Variants in CAST observed in about 807,000 individuals in gnomAD.
CAST encodes calpastatin.
Under a neutral mutation model 119.6 loss-of-function variants are expected in CAST, and 76 were observed. That is an observed-to-expected ratio of 0.64 (90% CI 0.53 to 0.77). The LOEUF (loss-of-function observed/expected upper bound fraction) is 0.77. Ranked by LOEUF, CAST falls within the 30% of genes least tolerant of loss-of-function variation. The pLI is 0.00. For synonymous variants in CAST, 319 were observed against 331.6 expected (o/e 0.96, Z 0.41); for missense variants, 953 against 946.5 (o/e 1.01, Z -0.09).
the CAST span, among the ~76,000 whole-genome samples, chr5:96,130,679 A>ATT: frequency 6.6e-6 from 1 of 152,088 alleles, no homozygotes; most frequent in African/African-American, 2.4e-5. Flanking sequence ...AATATAAAAT[A>ATT]TTACAAATCG....
the CAST span, among the ~76,000 whole-genome samples, chr5:96,088,336 A>G: frequency 2.0e-5 from 3 of 152,158 alleles, 1 homozygote; most frequent in South Asian, 6.2e-4. Context: ...CTCTTTCTCT[A>G]TGTCCTCTCC....
the CAST span, among the ~76,000 whole-genome samples, chr5:96,327,850 T>C: frequency 1.5e-4 from 23 of 152,332 alleles, no homozygotes; most frequent in South Asian, 4.8e-3. Flanking sequence ...TAACACTCAC[T>C]CTGTTGATCT....
chr5:96,343,128 A>G, the CAST span, among the ~76,000 whole-genome samples: 4 of 152,220 alleles, frequency 2.6e-5, no homozygotes, highest in African/African-American at 4.8e-5. Context: ...ACTCATACAT[A>G]GTTTGCAATT....
At chr5:96,429,284 G>A in the CAST span, 3 of 1,593,032 alleles carry the variant, frequency 1.9e-6, no homozygotes, top group African/African-American at 2.7e-5. Context: ...TGGTTTTTAT[G>A]TTTGAATAAG....
chr5:96,490,161 G>A, the CAST span, among the ~76,000 whole-genome samples: 20 of 152,182 alleles, frequency 1.3e-4, no homozygotes, highest in Non-Finnish European at 2.6e-4. Context: ...TTGGAACAAA[G>A]TTCAAAATAC....
chr5:96,621,577 A>G (rs979655850), intron 1 of CAST, among the ~76,000 whole-genome samples: 1 of 152,196 alleles, frequency 6.6e-6, no homozygotes, highest in Non-Finnish European at 1.5e-5. Context: ...ATCAGATTTT[A>G]TGAGAACTCA....
chr5:96,390,104 G>T, the CAST span, among the ~76,000 whole-genome samples: 3 of 152,162 alleles, frequency 2.0e-5, no homozygotes, highest in Non-Finnish European at 4.4e-5. Context: ...TAGATAGTTT[G>T]TTCATTTCTC....
the CAST span, among the ~76,000 whole-genome samples, chr5:96,198,356 C>CT: frequency 6.6e-6 from 1 of 152,096 alleles, no homozygotes; most frequent in East Asian, 1.9e-4. Flanking sequence ...TTGCCCCTCC[C>CT]TTTGTCAGTG....
At chr5:96,229,056 C>A in the CAST span, among the ~76,000 whole-genome samples, 1 of 151,780 alleles carries the variant, frequency 6.6e-6, no homozygotes, top group East Asian at 1.9e-4. Flanking sequence ...TGAAAAGATT[C>A]AAAAATCCAT....
the CAST span, among the ~76,000 whole-genome samples, chr5:96,172,603 G>A: frequency 1.5e-4 from 23 of 152,212 alleles, no homozygotes; most frequent in Non-Finnish European, 2.8e-4. Context: ...AAGGTTCCAG[G>A]AAGTGGCCTT....
At chr5:95,983,654 T>A in the CAST span, among the ~76,000 whole-genome samples, 49 of 152,344 alleles carry the variant, frequency 3.2e-4, no homozygotes, top group Middle Eastern at 3.4e-3. Context: ...AATCACATGT[T>A]ACTTTAAAAA....
chr5:96,682,904 C>A (rs1399153537), intron 2 of CAST, among the ~76,000 whole-genome samples: 1 of 152,114 alleles, frequency 6.6e-6, no homozygotes, highest in African/African-American at 2.4e-5. Flanking sequence ...CCCAAGAAGG[C>A]CACTTTGTAC....
upstream of CAST, among the ~76,000 whole-genome samples, chr5:96,521,783 A>G (rs1745522483): frequency 6.6e-6 from 1 of 152,194 alleles, no homozygotes; most frequent in Admixed American, 6.5e-5. Flanking sequence ...GATGTAATGA[A>G]CTTATGAATG....
At chr5:96,450,389 G>A in the CAST span, among the ~76,000 whole-genome samples, 1 of 152,040 alleles carries the variant, frequency 6.6e-6, no homozygotes, top group Non-Finnish European at 1.5e-5. Flanking sequence ...CTAAACAATG[G>A]GTACACACAG....
chr5:96,553,104 C>T lies in CAST; in HGVS notation c.60+23224C>T, dbSNP rs553447701. ...ATACCAAAGCTTGGCAGAGACACAA[C>T]AAAAAAAAGAGAATTTTAGGCCAAT... On this transcript the variant is annotated intron_variant, in intron 1 of 11. Transcript: ENST00000505143. Among the ~76,000 whole-genome samples, 10 of 151,538 alleles carry T rather than the reference C, an allele frequency of 6.6e-5. No individual in the cohort carries two copies. The East Asian group carries it at 1.9e-3, about 29-fold the overall frequency.
chr5:96,099,998 AT>A, the CAST span, among the ~76,000 whole-genome samples: 1 of 152,150 alleles, frequency 6.6e-6, no homozygotes, highest in African/African-American at 2.4e-5. Context: ...GACTGCCTTA[AT>A]TTCAGAATTC....
In CAST at chr5:96,741,243, C is replaced by T. The variant is rs773001647; in HGVS notation, c.919-23C>T. On this transcript the variant is annotated intron_variant, in intron 13 of 31. Coordinates refer to ENST00000675179, the MANE Select transcript of CAST (RefSeq NM_001750.7). ...ACTTGAGTGCTTCCCGTAAGTTACC[C>T]ATCACTGTGCCTGTTTCTTTAGAAA... 4 of 1,366,950 alleles carry T rather than the reference C, an allele frequency of 2.9e-6. No homozygotes were observed. The South Asian group carries it at 4.8e-5, about 16-fold the overall frequency. 84.7% of individuals were successfully genotyped at this position (1,366,950 alleles called of 1,614,324 possible). A position where few individuals can be genotyped will look rare whatever the true frequency, so the allele number is the denominator to read the frequency against.
chr5:96,187,279 AT>A, the CAST span, among the ~76,000 whole-genome samples: 2,761 of 151,028 alleles, frequency 0.018, 83 homozygotes, highest in African/African-American at 0.064. Context: ...TATTCTATTA[AT>A]TTTTTTAAAA....
the CAST span, among the ~76,000 whole-genome samples, chr5:96,199,404 A>T: frequency 2.6e-5 from 4 of 152,174 alleles, no homozygotes; most frequent in African/African-American, 9.7e-5. Flanking sequence ...CTTCAGAAAG[A>T]TTCAAATATT....
Sources: allele counts gnomAD v4.1 joint callset (sites outside exome capture counted in the v4.1 genomes callset), GRCh38; gene constraint gnomAD v4.1.1; transcripts MANE v1.5; gene names NCBI Gene and HGNC (gene_info 2026-07-23, HGNC 2026-07-21).